MYO16: variants seen among roughly 807,000 people sequenced by gnomAD.
MYO16 encodes the protein unconventional myosin-XVI.
Under a neutral mutation model 205.3 loss-of-function variants are expected in MYO16, and 94 were observed. The observed-to-expected ratio is 0.46, with a 90% CI of 0.39 to 0.54. The LOEUF (loss-of-function observed/expected upper bound fraction) is 0.54, where lower values mean the gene tolerates loss of function less well. Among genes scored for constraint, MYO16 ranks in the 20% least tolerant of loss-of-function variants. The pLI is 0.00. For synonymous variants in MYO16, 988 were observed against 954.0 expected, an observed-to-expected ratio of 1.04 and a Z score of -0.66; for missense variants, 2,315 against 2,387.5, an observed-to-expected ratio of 0.97 and a Z score of 0.63.
intron 27 of MYO16, among the ~76,000 whole-genome samples, chr13:109,058,269 A>T (rs1301320919): frequency 6.6e-6 from 1 of 152,078 alleles, no homozygotes; most frequent in Non-Finnish European, 1.5e-5. Flanking sequence ...TGGTGATCAA[A>T]GCAAACTTGT....
the MYO16 span, among the ~76,000 whole-genome samples, chr13:108,544,571 T>C: frequency 6.6e-6 from 1 of 152,198 alleles, no homozygotes; most frequent in Non-Finnish European, 1.5e-5. Flanking sequence ...GTTACATAGT[T>C]ATAAAAGGTT....
the MYO16 span, among the ~76,000 whole-genome samples, chr13:108,544,545 T>C: frequency 6.6e-6 from 1 of 152,166 alleles, no homozygotes; most frequent in Admixed American, 6.5e-5. Context: ...ATTATACTCT[T>C]TCAGTTATTA....
chr13:108,939,899 A>G (rs1381689449), intron 16 of MYO16, among the ~76,000 whole-genome samples: 1 of 152,186 alleles, frequency 6.6e-6, no homozygotes, highest in Non-Finnish European at 1.5e-5. Flanking sequence ...ATCATATATT[A>G]GCTTTACTGT....
chr13:108,612,829 C>G (rs1269391588), intron 1 of MYO16, among the ~76,000 whole-genome samples: 1 of 152,098 alleles, frequency 6.6e-6, no homozygotes, highest in East Asian at 1.9e-4. Flanking sequence ...ATAGAGCCTG[C>G]CTTCCCTGCT....
intron 27 of MYO16, among the ~76,000 whole-genome samples, chr13:109,097,345 C>G (rs1018951218): frequency 6.6e-6 from 1 of 152,044 alleles, no homozygotes; most frequent in African/African-American, 2.4e-5. Flanking sequence ...GTACTGATAT[C>G]ATGTGAGAGA....
At chr13:109,102,653 A>G (rs1213624752) in intron 28 of MYO16, among the ~76,000 whole-genome samples, 1 of 152,146 alleles carries the variant, frequency 6.6e-6, no homozygotes, top group African/African-American at 2.4e-5. Context: ...ATATCTGAGC[A>G]GTGGTCCCTC....
intron 23 of MYO16, among the ~76,000 whole-genome samples, chr13:109,027,764 A>G (rs1306847397): frequency 6.6e-6 from 1 of 152,162 alleles, no homozygotes; most frequent in African/African-American, 2.4e-5. Context: ...TTTTTCAAGT[A>G]TGTGAGTCAT....
chr13:109,108,420 T>C (rs1889185622), intron 28 of MYO16, among the ~76,000 whole-genome samples: 1 of 152,226 alleles, frequency 6.6e-6, no homozygotes, highest in Non-Finnish European at 1.5e-5. Flanking sequence ...AAGAGTAATA[T>C]CTTAGAGTAC....
At chr13:109,035,763 C>G (rs1412089532) in intron 23 of MYO16, among the ~76,000 whole-genome samples, 6 of 152,152 alleles carry the variant, frequency 3.9e-5, no homozygotes, top group Non-Finnish European at 8.8e-5. Flanking sequence ...CCTTTCTCAC[C>G]TGCCAGCACC....
chr13:108,602,176 G>A (rs1419449723), intron 1 of MYO16, among the ~76,000 whole-genome samples: 11 of 150,938 alleles, frequency 7.3e-5, no homozygotes, highest in Non-Finnish European at 1.5e-4. Context: ...GCCTTGATCC[G>A]GGACTTCCCA....
the MYO16 span, among the ~76,000 whole-genome samples, chr13:108,539,078 G>T: frequency 6.6e-6 from 1 of 152,032 alleles, no homozygotes; most frequent in Non-Finnish European, 1.5e-5. Context: ...TACAGCACCA[G>T]ATTTAAAAAA....
intron 4 of MYO16, among the ~76,000 whole-genome samples, chr13:108,765,600 A>G (rs1249287963): frequency 1.3e-5 from 2 of 152,156 alleles, no homozygotes; most frequent in African/African-American, 2.4e-5. Context: ...TGTCTGCAGT[A>G]TGGAGGATGG....
intron 33 of MYO16, among the ~76,000 whole-genome samples, chr13:109,177,082 A>G (rs1174374726): frequency 7.9e-5 from 12 of 152,152 alleles, no homozygotes; most frequent in Admixed American, 7.9e-4. Context: ...TTGTGCTCTC[A>G]GCCAGGCATG....
intron 32 of MYO16, among the ~76,000 whole-genome samples, chr13:109,149,244 G>C (rs192535177): frequency 2.4e-4 from 37 of 152,332 alleles, no homozygotes; most frequent in South Asian, 1.0e-3. Context: ...TATACACTGT[G>C]ACGTGTTAAT....
Position 108,629,704 on chromosome 13 carries a change from AC to A in MYO16, c.-140del. On this transcript the variant is annotated 5_prime_UTR_variant, in exon 1 of 35. It removes the in-frame stop codon of an upstream open reading frame in the 5' UTR. Transcript: ENST00000457511. Reference sequence around the variant, plus strand: ...TTGAAGCTTTTTGCAGGATCATGGAACAGAGCCTCCATGCAATAGTGCATCC... The same window carrying A: ...TTGAAGCTTTTTGCAGGATCATGGAAAGAGCCTCCATGCAATAGTGCATCC... 1.4e-6 allele frequency: 1 copy of A among 699,316 alleles called. No individual in the cohort carries two copies. Among genetic ancestry groups the A allele is most frequent in the South Asian group, 2.2e-5 (1 of 44,786 alleles). The allele number at this position is 699,316 out of a possible 1,614,324, so 43.3% of individuals were successfully genotyped here.
At chr13:108,700,052 G>T (rs1338210288) in intron 2 of MYO16, among the ~76,000 whole-genome samples, 1 of 152,086 alleles carries the variant, frequency 6.6e-6, no homozygotes, top group African/African-American at 2.4e-5. Flanking sequence ...GCATTTATAG[G>T]CTGGGCATGG....
At chr13:108,951,051 T>G (rs963048357) in intron 16 of MYO16, among the ~76,000 whole-genome samples, 3 of 152,224 alleles carry the variant, frequency 2.0e-5, no homozygotes, top group African/African-American at 7.2e-5. Context: ...TTTTTTTGTT[T>G]TTGTTTTTTA....
At chr13:108,910,357 A>G (rs1056155490) in intron 16 of MYO16, among the ~76,000 whole-genome samples, 2 of 118,982 alleles carry the variant, frequency 1.7e-5, no homozygotes, top group African/African-American at 6.5e-5. Context: ...ACAAACTTAT[A>G]TTTTACTAGT....
intron 2 of MYO16, among the ~76,000 whole-genome samples, chr13:108,708,034 G>A (rs1021419098): frequency 2.0e-5 from 3 of 152,146 alleles, no homozygotes; most frequent in Non-Finnish European, 4.4e-5. Flanking sequence ...CCCAGCCTGT[G>A]TGTATTATTA....
Sources: gnomAD v4.1 joint callset for allele counts (sites outside exome capture counted in the v4.1 genomes callset) on GRCh38, gnomAD v4.1.1 for gene constraint, MANE v1.5 for transcripts, NCBI Gene and HGNC (gene_info 2026-07-23, HGNC 2026-07-21) for gene names.